LYPD8: variants seen among roughly 807,000 people sequenced by gnomAD.
LYPD8 encodes the protein LY6/PLAUR domain containing 8.
Under a neutral mutation model 1.7 loss-of-function variants are expected in LYPD8, and 8 were observed. That is an observed-to-expected ratio of 4.58 (90% CI 2.69 to 8.27). LYPD8 has a LOEUF of 8.27. Ranked by LOEUF, LYPD8 falls within the 30% of genes most tolerant of loss-of-function variation. The pLI is 0.00. For synonymous variants in LYPD8, 50 were observed against 43.6 expected (o/e 1.15, Z -0.58); for missense variants, 112 against 102.3 (o/e 1.09, Z -0.41).
intron 2 of LYPD8, among the ~76,000 whole-genome samples, chr1:248,752,764 C>A (rs1662827862): frequency 4.3e-5 from 5 of 115,298 alleles, no homozygotes; most frequent in African/African-American, 6.7e-5. Context: ...ACACACACCA[C>A]ACACCCCACA....
chr1:248,740,898 G>A (rs192982554), intron 6 of LYPD8, among the ~76,000 whole-genome samples: 3 of 152,358 alleles, frequency 2.0e-5, no homozygotes, highest in East Asian at 3.9e-4. Flanking sequence ...GGAGGCTGAG[G>A]TGAGAGGATT....
intron 6 of LYPD8, among the ~76,000 whole-genome samples, chr1:248,744,746 C>G (rs1260514653): frequency 6.6e-6 from 1 of 152,186 alleles, no homozygotes; most frequent in Non-Finnish European, 1.5e-5. Context: ...CTACCAAAAG[C>G]CAACACCTCT....
chr1:248,745,938 A>C (rs1466631439), intron 5 of LYPD8, among the ~76,000 whole-genome samples: 1 of 152,216 alleles, frequency 6.6e-6, no homozygotes, highest in Non-Finnish European at 1.5e-5. Flanking sequence ...TGTGAATGTA[A>C]AGTGGAGTTT....
At chr1:248,754,589 A>G (rs1216893106) in intron 2 of LYPD8, among the ~76,000 whole-genome samples, 2 of 151,828 alleles carry the variant, frequency 1.3e-5, no homozygotes, top group Non-Finnish European at 2.9e-5. Context: ...TGCCACAAAC[A>G]TTACATGCAC....
chr1:248,753,218 C>T (rs1572156638), intron 2 of LYPD8, among the ~76,000 whole-genome samples: 4,056 of 110,248 alleles, frequency 0.037, 278 homozygotes, highest in East Asian at 0.098. Context: ...ACACACACAC[C>T]ACACCACACA....
rs1662558112 is a variant in LYPD8, at chr1:248,739,900, C to T, written c.476-51G>A. 2 of 1,546,158 alleles carry T rather than the reference C, an allele frequency of 1.3e-6. No individual in the cohort carries two copies. The highest frequency in any genetic ancestry group is 1.7e-6 in the Non-Finnish European group (2 of 1,144,342). ...GACGCCACTCAGTCCTTTGTCCTTCCACCCACGCCTGCTCTTAGTTCTTCA... is the reference window on the plus strand; with the variant it reads ...GACGCCACTCAGTCCTTTGTCCTTCTACCCACGCCTGCTCTTAGTTCTTCA... On this transcript the variant is annotated intron_variant, in intron 6 of 6. Coordinates refer to ENST00000590317, the MANE Select transcript of LYPD8 (RefSeq NM_001085474.2). The surrounding 1 kb of genome is among the most constrained non-coding windows in gnomAD (Gnocchi z 4.3).
intron 5 of LYPD8, among the ~76,000 whole-genome samples, chr1:248,746,472 A>C (rs971926854): frequency 2.0e-5 from 3 of 152,240 alleles, no homozygotes; most frequent in Admixed American, 1.3e-4. Flanking sequence ...TCTGGACTTG[A>C]GATGTCCACC....
At position 248,739,778 on chromosome 1, in the gene LYPD8, C is replaced by T. The variant is rs1553283086; in HGVS notation, c.547G>A (p.Gly183Ser). The change falls in exon 7 of 7, where the codon GGT becomes AGT. Residue 183 changes from glycine to serine, a missense_variant. Physicochemically the swap from Gly to Ser is moderately conservative, Grantham distance 56 (BLOSUM62 0). Coordinates refer to ENST00000590317, the MANE Select transcript of LYPD8 (RefSeq NM_001085474.2). The surrounding 1 kb of genome is among the most constrained non-coding windows in gnomAD (Gnocchi z 4.3). ...VSNATCQFLS[G>S]ENKTLGGVIF... ...ACTCCTCCAAGAGTCTTGTTTTCAC[C>T]AGACAGGAACTGACAGGTGGCGTTA... The T allele has an allele frequency of 6.4e-7, 1 of 1,551,740 alleles. No individual in the cohort carries two copies. Among genetic ancestry groups the T allele is most frequent in the Non-Finnish European group, 8.7e-7 (1 of 1,147,010 alleles).
At chr1:248,746,627 C>T (rs1662732270) in intron 5 of LYPD8, among the ~76,000 whole-genome samples, 1 of 124,698 alleles carries the variant, frequency 8.0e-6, no homozygotes, top group East Asian at 2.6e-4. Context: ...CCCGCACGGC[C>T]AGCACCCACC....
At chr1:248,752,657 CACCACACACACCACACCA>C (rs1572156202) in intron 2 of LYPD8, among the ~76,000 whole-genome samples, 1 of 128,414 alleles carries the variant, frequency 7.8e-6, no homozygotes, top group South Asian at 2.6e-4. Flanking sequence ...ACACAACACA[CACCACACACACCACACCA>C]CACACACACC....
At chr1:248,748,268 G>T (rs1385589839) in intron 5 of LYPD8, 21 bp downstream of exon 5, 21 of 273,932 alleles carry the variant, frequency 7.7e-5, no homozygotes, top group Non-Finnish European at 1.3e-4. Context: ...CCAGGGCATC[G>T]CCCGCACGGC....
chr1:248,753,994 C>G (rs1040040235), intron 2 of LYPD8, among the ~76,000 whole-genome samples: 1 of 149,190 alleles, frequency 6.7e-6, no homozygotes, highest in African/African-American at 2.5e-5. Context: ...CCACACATCA[C>G]ATACACACTG....
intron 2 of LYPD8, among the ~76,000 whole-genome samples, chr1:248,752,750 C>T (rs1259103287): frequency 8.4e-6 from 1 of 118,778 alleles, no homozygotes; most frequent in African/African-American, 3.1e-5. Flanking sequence ...ACACCACACA[C>T]CCCACACACA....
intron 4 of LYPD8, among the ~76,000 whole-genome samples, chr1:248,749,348 G>A (rs1420104505): frequency 1.3e-5 from 2 of 152,156 alleles, no homozygotes; most frequent in East Asian, 3.8e-4. Flanking sequence ...CTGGATATTA[G>A]AAGAAATTAA....
At chr1:248,750,810 A>C (rs1411123964) in intron 3 of LYPD8, among the ~76,000 whole-genome samples, 167 bp from the exon 4 acceptor site, 3 of 152,128 alleles carry the variant, frequency 2.0e-5, no homozygotes, top group Non-Finnish European at 4.4e-5. Context: ...AGCCACCCTA[A>C]TTAGTTTCTC....
At chr1:248,750,465 T>C (rs1197345738) in intron 4 of LYPD8, 59 bp downstream of exon 4, 6 of 398,348 alleles carry the variant, frequency 1.5e-5, no homozygotes, top group African/African-American at 1.0e-4. Flanking sequence ...GGATGTCCTC[T>C]CCAGCTCCCT....
In LYPD8 at chr1:248,739,864, G is replaced by A. The variant is rs782017180; in HGVS notation, c.476-15C>T. On this transcript the variant is annotated splice_polypyrimidine_tract_variant and intron_variant, in intron 6 of 6. Coordinates refer to ENST00000590317, the MANE Select transcript of LYPD8 (RefSeq NM_001085474.2). The surrounding 1 kb of genome is among the most constrained non-coding windows in gnomAD (Gnocchi z 4.3). ...AGACTCAATGTCTGTGAATGCAAAG[G>A]AGACAGGAGGGACGCCACTCAGTCC... 176 of 1,551,430 alleles carry A rather than the reference G, an allele frequency of 1.1e-4. No homozygotes were observed. The highest frequency in any genetic ancestry group is 4.6e-4 in the East Asian group (19 of 40,932).
At chr1:248,750,768 C>CTG (rs1662787438) in intron 3 of LYPD8, 125 bp from the exon 4 acceptor site, 1 of 397,734 alleles carries the variant, frequency 2.5e-6, no homozygotes, top group Admixed American at 4.4e-5. Context: ...TCCCTGCCCT[C>CTG]TGGGGATACC....
intron 2 of LYPD8, among the ~76,000 whole-genome samples, chr1:248,752,851 A>ACC (rs1572156361): frequency 5.8e-5 from 4 of 68,518 alleles, no homozygotes; most frequent in African/African-American, 1.4e-4. Context: ...ACACACACAC[A>ACC]CCACACCACA....
Sources: allele counts gnomAD v4.1 joint callset (sites outside exome capture counted in the v4.1 genomes callset), GRCh38; gene constraint gnomAD v4.1.1; non-coding constraint Gnocchi (gnomAD v3.1); transcripts MANE v1.5; gene names NCBI Gene and HGNC (gene_info 2026-07-23, HGNC 2026-07-21).